WDR49: variants seen among roughly 807,000 people sequenced by gnomAD.
The protein encoded by WDR49 is cilia- and flagella-associated protein 337.
WDR49 carries 107 observed loss-of-function variants against 119.5 expected under a neutral mutation model. The ratio of observed to expected loss-of-function variants is 0.90; its 90% CI spans 0.77 to 1.05. WDR49 has a LOEUF of 1.05. Among genes scored for constraint, WDR49 ranks in the 50% least tolerant of loss-of-function variants. WDR49 has a pLI of 0.00. For missense variants in WDR49, 1,240 were observed against 1,220.5 expected (o/e 1.02, Z -0.24); for synonymous variants, 425 against 418.8 (o/e 1.01, Z -0.18).
intron 18 of WDR49, among the ~76,000 whole-genome samples, chr3:167,499,218 C>T (rs1751469566): frequency 6.6e-6 from 1 of 152,162 alleles, no homozygotes; most frequent in Non-Finnish European, 1.5e-5. Context: ...CAGCTGTTCT[C>T]CCTTTCCATA....
chr3:167,621,864 T>G (rs919230882), intron 3 of WDR49, among the ~76,000 whole-genome samples: 4 of 152,098 alleles, frequency 2.6e-5, no homozygotes, highest in Admixed American at 2.6e-4. Context: ...TGAACATGCT[T>G]TATTTCCTAT....
intron 8 of WDR49, chr3:167,575,281 A>T: frequency 1.0e-6 from 1 of 985,780 alleles, no homozygotes; most frequent in Non-Finnish European, 1.2e-6. Context: ...CCTGTCCTCC[A>T]AGAAGGGCTG....
chr3:167,626,885 C>A lies in WDR49; in HGVS notation c.573G>T (p.Val191=). The change falls in exon 3 of 19, where the codon GTG becomes GTT. Residue 191 remains valine (V), a synonymous_variant. Coordinates refer to ENST00000682715, the MANE Select transcript of WDR49 (RefSeq NM_001366157.1). The part of the protein sequence containing the change: ...SDATKLKHLW[V]TSLVSLENVN... The stretch of plus-strand genomic sequence containing the variant: ...CATTTTCCAGAGAAACCAGACTTGT[C>A]ACCCACAGGTGTTTGAGCTTGGTGG... The A allele has an allele frequency of 8.0e-7, 1 of 1,251,080 alleles. No individual in the cohort carries two copies. The highest frequency in any genetic ancestry group is 1.0e-6 in the Non-Finnish European group (1 of 997,638). 77.5% of individuals were successfully genotyped at this position (1,251,080 alleles called of 1,614,324 possible).
intron 8 of WDR49, among the ~76,000 whole-genome samples, chr3:167,565,880 A>G (rs1167369623): frequency 6.6e-6 from 1 of 152,216 alleles, no homozygotes; most frequent in East Asian, 1.9e-4. Flanking sequence ...AATATTAATT[A>G]GCATTTACCC....
At chr3:167,585,954 G>A (rs761760387) in intron 7 of WDR49, among the ~76,000 whole-genome samples, 33 of 152,034 alleles carry the variant, frequency 2.2e-4, no homozygotes, top group Non-Finnish European at 4.1e-4. Flanking sequence ...ATTTACCGGC[G>A]TACTTTAAAT....
At chr3:167,642,202 T>C (rs866773802) in intron 2 of WDR49, among the ~76,000 whole-genome samples, 1 of 151,952 alleles carries the variant, frequency 6.6e-6, no homozygotes, top group African/African-American at 2.4e-5. Flanking sequence ...AACCTAACCA[T>C]GTAACAAGCT....
At chr3:167,602,913 G>A (rs967149470) in intron 6 of WDR49, among the ~76,000 whole-genome samples, 1 of 152,022 alleles carries the variant, frequency 6.6e-6, no homozygotes, top group African/African-American at 2.4e-5. Flanking sequence ...TGCTATAGAA[G>A]TTTGTAGCCT....
intron 10 of WDR49, among the ~76,000 whole-genome samples, chr3:167,546,438 CT>C (rs1560279365): frequency 2.0e-5 from 3 of 151,886 alleles, no homozygotes; most frequent in East Asian, 3.9e-4. Flanking sequence ...TAAGTTTATA[CT>C]TTTGCCAAGT....
chr3:167,576,928 G>C (rs1160982639), intron 7 of WDR49, among the ~76,000 whole-genome samples: 2 of 151,604 alleles, frequency 1.3e-5, no homozygotes, highest in Non-Finnish European at 2.9e-5. Context: ...TATATGTGTG[G>C]ATAGATATAT....
chr3:167,631,242 TG>T (rs1235673395), intron 2 of WDR49, among the ~76,000 whole-genome samples: 1 of 152,134 alleles, frequency 6.6e-6, no homozygotes, highest in East Asian at 1.9e-4. Context: ...GTTGTGCACG[TG>T]TACCCTAGAA....
In WDR49 at chr3:167,620,873, T is replaced by C. The variant is rs1387052600; in HGVS notation, c.784-270A>G. ...AGCTTTCACAATTACAAAAGGAAATTGTTCCAATTAGCCTACTTCAGAGGT... is the reference window on the plus strand; with the variant it reads ...AGCTTTCACAATTACAAAAGGAAATCGTTCCAATTAGCCTACTTCAGAGGT... On this transcript the variant is annotated intron_variant, in intron 4 of 18. Transcript: ENST00000682715. Among the ~76,000 whole-genome samples the C allele has an allele frequency of 2.0e-5, 3 of 152,186 alleles. No individual in the cohort carries two copies. In the East Asian group the frequency reaches 5.8e-4, roughly 29 times the overall value.
At chr3:167,657,646 A>G (rs1718636783), upstream of WDR49, among the ~76,000 whole-genome samples, 1 of 151,406 alleles carries the variant, frequency 6.6e-6, no homozygotes, top group South Asian at 2.1e-4. Context: ...TTACTCGTTA[A>G]TCTTTGCCTA....
chr3:167,583,532 A>T (rs1334115826), intron 7 of WDR49, among the ~76,000 whole-genome samples: 2 of 151,908 alleles, frequency 1.3e-5, no homozygotes, highest in South Asian at 2.1e-4. Context: ...CTGTCTCTAT[A>T]AAAAAAATCC....
At chr3:167,512,729 C>G (rs951125795) in intron 16 of WDR49, among the ~76,000 whole-genome samples, 7 of 152,168 alleles carry the variant, frequency 4.6e-5, no homozygotes, top group Non-Finnish European at 1.0e-4. Flanking sequence ...ATTACAGGAG[C>G]TGTTAGCCAG....
chr3:167,634,256 A>G (rs1717511569), intron 2 of WDR49, among the ~76,000 whole-genome samples: 2 of 151,970 alleles, frequency 1.3e-5, no homozygotes, highest in Admixed American at 6.6e-5. Context: ...AAAGGTGAAA[A>G]TTATATGAGC....
chr3:167,634,623 A>T (rs544875991), intron 2 of WDR49, among the ~76,000 whole-genome samples: 1 of 151,906 alleles, frequency 6.6e-6, no homozygotes, highest in Admixed American at 6.6e-5. Flanking sequence ...GCTTTGTAAG[A>T]TTTGGATTTA....
intron 7 of WDR49, among the ~76,000 whole-genome samples, chr3:167,591,077 G>A (rs1339013832): frequency 6.6e-6 from 1 of 151,896 alleles, no homozygotes; most frequent in East Asian, 1.9e-4. Context: ...TCCTCTTACT[G>A]TATCCCATAG....
At chr3:167,548,730 A>G (rs1712359626) in intron 10 of WDR49, among the ~76,000 whole-genome samples, 1 of 152,042 alleles carries the variant, frequency 6.6e-6, no homozygotes, top group South Asian at 2.1e-4. Flanking sequence ...TCCATGGTAC[A>G]TGTGCACAAC....
At chr3:167,495,364 A>G (rs1049374203) in intron 18 of WDR49, among the ~76,000 whole-genome samples, 1 of 151,870 alleles carries the variant, frequency 6.6e-6, no homozygotes, top group Non-Finnish European at 1.5e-5. Flanking sequence ...ATATGTGTGT[A>G]TATATATAAT....
Sources: allele counts gnomAD v4.1 joint callset (sites outside exome capture counted in the v4.1 genomes callset), GRCh38; gene constraint gnomAD v4.1.1; transcripts MANE v1.5; gene names NCBI Gene and HGNC (gene_info 2026-07-23, HGNC 2026-07-21).